WDFY3: variants seen among roughly 807,000 people sequenced by gnomAD.
WDFY3 encodes the protein WD repeat and FYVE domain containing 3, also known as WD repeat and FYVE domain-containing protein 3.
Under a neutral mutation model 409.6 loss-of-function variants are expected in WDFY3, and 66 were observed. The observed-to-expected ratio is 0.16, with a 90% CI of 0.13 to 0.20. The LOEUF is 0.20. Among genes scored for constraint, WDFY3 ranks in the 10% least tolerant of loss-of-function variants. The pLI, the probability that WDFY3 is intolerant of heterozygous loss-of-function variation, is 1.00. For missense variants in WDFY3, 3,031 were observed against 4,298.1 expected (o/e 0.71, Z 8.24); for synonymous variants, 1,521 against 1,537.1 (o/e 0.99, Z 0.25).
intron 32 of WDFY3, 40 bp downstream of exon 32, chr4:84,765,770 C>T (rs778575542): frequency 6.4e-7 from 1 of 1,562,198 alleles, no homozygotes; most frequent in South Asian, 1.1e-5. Flanking sequence ...ACAAAACACA[C>T]CAGCTCATTT....
intron 1 of WDFY3, among the ~76,000 whole-genome samples, chr4:84,965,396 G>A (rs1775504584): frequency 6.6e-6 from 1 of 152,130 alleles, no homozygotes; most frequent in Admixed American, 6.5e-5. Context: ...TCCATGCAAG[G>A]GTTCACATAT....
chr4:84,797,089 C>T (rs140666807), intron 18 of WDFY3, among the ~76,000 whole-genome samples: 1 of 152,086 alleles, frequency 6.6e-6, no homozygotes, highest in East Asian at 1.9e-4. Context: ...ACTTTTATTT[C>T]ATAAAACTAT....
intron 56 of WDFY3, among the ~76,000 whole-genome samples, chr4:84,702,099 C>G (rs1731150655): frequency 6.6e-6 from 1 of 152,162 alleles, no homozygotes; most frequent in Admixed American, 6.5e-5. Flanking sequence ...CCTCCACCTC[C>G]CAGGTTCAAG....
rs567643390 is a variant in WDFY3 at position 84,752,017 on chromosome 4, AAT to A, written c.5740-303_5740-302del. Among the ~76,000 whole-genome samples the A allele has an allele frequency of 3.9e-5, 6 of 152,282 alleles. No individual in the cohort carries two copies. In the South Asian group the frequency reaches 1.0e-3, roughly 26 times the overall value. ...TATATGGAATAATAAAATTAGAATA[AAT>A]ATGTTTCCATATTTGAACTCTACCC... On this transcript the variant is annotated intron_variant, in intron 35 of 67. Transcript: ENST00000295888.
At position 84,774,985 on chromosome 4, in the gene WDFY3, T is replaced by C. The variant is rs751188633; in HGVS notation, c.4593-4A>G. 39 of 1,613,458 alleles carry C rather than the reference T, an allele frequency of 2.4e-5. No individual in the cohort carries two copies. Among genetic ancestry groups the C allele is most frequent in the East Asian group, 2.0e-4 (9 of 44,850 alleles). On this transcript the variant is annotated splice_region_variant and splice_polypyrimidine_tract_variant and intron_variant, in intron 28 of 67. Transcript: ENST00000295888. The stretch of plus-strand genomic sequence containing the variant: ...TTTGGCATTCTTTGAGGCTTCACTA[T>C]AAGAGAAAGAAGATTTTATACACTG...
chr4:84,679,355 T>A (rs1726927299), intron 64 of WDFY3, 113 bp from the exon 65 acceptor site: 1 of 1,067,546 alleles, frequency 9.4e-7, no homozygotes, highest in African/African-American at 1.6e-5. Context: ...ACATAATATT[T>A]TAAGCTAAGT....
At chr4:84,681,781 G>A (rs527991750) in intron 64 of WDFY3, among the ~76,000 whole-genome samples, 1 of 152,244 alleles carries the variant, frequency 6.6e-6, no homozygotes, top group Non-Finnish European at 1.5e-5. Context: ...ATCTCACCCT[G>A]GCATTATGGC....
At chr4:84,766,991 CTA>C (rs1743765303) in intron 30 of WDFY3, among the ~76,000 whole-genome samples, 1 of 152,128 alleles carries the variant, frequency 6.6e-6, no homozygotes, top group South Asian at 2.1e-4. Flanking sequence ...TCCAGCAGAG[CTA>C]TGAGTTACTG....
intron 1 of WDFY3, among the ~76,000 whole-genome samples, chr4:84,950,514 G>A (rs139517775): frequency 1.3e-5 from 2 of 152,198 alleles, no homozygotes; most frequent in African/African-American, 4.8e-5. Flanking sequence ...AATTTTAGGC[G>A]GGCAAGGTGG....
chr4:84,783,037 T>C lies in WDFY3; in HGVS notation c.4100A>G (p.Lys1367Arg). 6.2e-7 allele frequency: 1 copy of C among 1,614,160 alleles called. No homozygotes were observed. Among genetic ancestry groups the C allele is most frequent in the Non-Finnish European group, 8.5e-7 (1 of 1,180,018 alleles). Residue 1367 changes from lysine (K) to arginine (R), a missense_variant, in exon 25 of 68, where the codon AAG becomes AGG. Lys to Arg is a conservative substitution (Grantham distance 26). Around this residue, in one of 16 missense-constraint regions of WDFY3, gnomAD observed 1,322 missense variants for 1,697.9 expected, o/e 0.78. Coordinates refer to ENST00000295888, the MANE Select transcript of WDFY3 (RefSeq NM_014991.6). ...ISSHENATPV[K>R]LIHNSAGHLN... ...ATGTCCTGCTGAATTGTGTATCAACTTCACAGGAGTGGCATTCTCATGTGA... is the reference window on the plus strand; with the variant it reads ...ATGTCCTGCTGAATTGTGTATCAACCTCACAGGAGTGGCATTCTCATGTGA...
intron 36 of WDFY3, among the ~76,000 whole-genome samples, chr4:84,749,310 T>C (rs1740072665): frequency 6.6e-6 from 1 of 152,186 alleles, no homozygotes; most frequent in Non-Finnish European, 1.5e-5. Flanking sequence ...ATTTCATTAA[T>C]ATAATTTTTT....
At chr4:84,804,449 C>T (rs866512397) in intron 15 of WDFY3, among the ~76,000 whole-genome samples, 3 of 152,088 alleles carry the variant, frequency 2.0e-5, no homozygotes, top group Non-Finnish European at 2.9e-5. Flanking sequence ...AAAAAAATAC[C>T]GTTCTCTTTT....
At position 84,868,196 on chromosome 4, in the gene WDFY3, A is replaced by C. The variant is rs979052963; in HGVS notation, c.-31-7574T>G. On this transcript the variant is annotated intron_variant, in intron 3 of 67. Coordinates refer to ENST00000295888, the MANE Select transcript of WDFY3 (RefSeq NM_014991.6). ...CAAAAAAAAAAAAAAAAAAAAAAAA[A>C]AAAAAAAAAAGATTTATAAGCAATT... is the stretch of plus-strand genomic sequence containing the variant. Among the ~76,000 whole-genome samples the C allele has an allele frequency of 1.5e-3, 230 of 149,402 alleles. 2 individuals are homozygous for C. Among genetic ancestry groups the C allele is most frequent in the African/African-American group, 5.3e-3 (213 of 40,456 alleles).
chr4:84,886,644 T>C (rs1443519797), intron 3 of WDFY3, among the ~76,000 whole-genome samples: 1 of 152,036 alleles, frequency 6.6e-6, no homozygotes, highest in African/African-American at 2.4e-5. Flanking sequence ...TGTAGGAATA[T>C]TTAGAGAGGG....
chr4:84,821,228 T>C lies in WDFY3; in HGVS notation c.1447A>G (p.Met483Val), dbSNP rs772926134. 26 of 1,613,654 alleles carry C rather than the reference T, an allele frequency of 1.6e-5. No individual in the cohort carries two copies. The highest frequency in any genetic ancestry group is 3.3e-5 in the Admixed American group (2 of 59,880). The stretch of plus-strand genomic sequence containing the variant: ...CTTGTAAACTTAAGAAGTGTTTTCA[T>C]TGCAATAATGCTACAGTGATAAGAA... ...SSSYHCSIIA[M>V]KTLLKFTRHD... The change falls in exon 11 of 68, where the codon ATG becomes GTG. Residue 483 changes from methionine to valine, a missense_variant. Around this residue, in one of 16 missense-constraint regions of WDFY3, gnomAD observed 1,322 missense variants for 1,697.9 expected, o/e 0.78. Coordinates refer to ENST00000295888, the MANE Select transcript of WDFY3 (RefSeq NM_014991.6).
intron 62 of WDFY3, among the ~76,000 whole-genome samples, chr4:84,686,656 G>T (rs140635168): frequency 6.6e-6 from 1 of 152,124 alleles, no homozygotes; most frequent in African/African-American, 2.4e-5. Context: ...CTGTGGTAGG[G>T]GTGAGGGTAA....
rs200964098 is a variant in WDFY3, at chr4:84,733,532, C to G, written c.7071G>C (p.Leu2357=). Residue 2357 remains leucine (L), a synonymous_variant, in exon 44 of 68, where the codon CTG becomes CTC. Transcript: ENST00000295888. Reference sequence around the variant, plus strand: ...GGTGGGAGCCGATGGGAGGGCCCCACAGCCCCCGCTCCCTCAACAGCTCGC... The same window carrying G: ...GGTGGGAGCCGATGGGAGGGCCCCAGAGCCCCCGCTCCCTCAACAGCTCGC... The part of the protein sequence containing the change: ...IECELLRERG[L]WGPPIGSHLD... The G allele has an allele frequency of 6.8e-6, 11 of 1,614,168 alleles. No individual in the cohort carries two copies. The East Asian group carries it at 2.5e-4, about 36-fold the overall frequency.
At chr4:84,850,332 T>TGGG (rs1553988899) in intron 4 of WDFY3, among the ~76,000 whole-genome samples, 85 of 151,118 alleles carry the variant, frequency 5.6e-4, no homozygotes, top group African/African-American at 1.7e-3. Flanking sequence ...TCTTTTTTTT[T>TGGG]GGGGGGGACA....
intron 15 of WDFY3, among the ~76,000 whole-genome samples, chr4:84,805,868 G>C (rs1245754700): frequency 6.6e-6 from 1 of 152,110 alleles, no homozygotes; most frequent in Non-Finnish European, 1.5e-5. Flanking sequence ...ATTGAACACT[G>C]TTCAGCTATA....
Sources: gnomAD v4.1 joint callset for allele counts (sites outside exome capture counted in the v4.1 genomes callset) on GRCh38, gnomAD v4.1.1 for gene constraint, gnomAD v4.1.1 regional missense constraint, MANE v1.5 for transcripts, NCBI Gene and HGNC (gene_info 2026-07-23, HGNC 2026-07-21) for gene names.